SLC39A14: variants seen among roughly 807,000 people sequenced by gnomAD.
SLC39A14 encodes the protein metal cation symporter ZIP14.
In SLC39A14, 19 loss-of-function variants were observed where a neutral mutation model predicts 45.5. The observed-to-expected ratio is 0.42, with a 90% CI of 0.29 to 0.61. SLC39A14 has a LOEUF of 0.61. Ranked by LOEUF, SLC39A14 falls within the 20% of genes least tolerant of loss-of-function variation. SLC39A14 has a pLI of 0.22. For missense variants in SLC39A14, 447 were observed against 616.5 expected (o/e 0.73, Z 2.91); for synonymous variants, 264 against 251.3 (o/e 1.05, Z -0.48).
At position 22,410,040 on chromosome 8, in the gene SLC39A14, C is replaced by T. The variant is rs571243939; in HGVS notation, c.457+1544C>T. The T allele has an allele frequency of 5.0e-6, 8 of 1,613,980 alleles. No homozygotes were observed. In the African/African-American group the frequency reaches 9.3e-5, roughly 19 times the overall value. Reference sequence around the variant, plus strand: ...CCTGCACAGAGAAAGCGTTTTTCAGCCGTGTGCTCACTTACTTCATCGCCC... The same window carrying T: ...CCTGCACAGAGAAAGCGTTTTTCAGTCGTGTGCTCACTTACTTCATCGCCC... On this transcript the variant is annotated intron_variant, in intron 3 of 8. Transcript: ENST00000381237.
At chr8:22,422,971 C>A (rs1836307463), downstream of SLC39A14, among the ~76,000 whole-genome samples, 1 of 150,996 alleles carries the variant, frequency 6.6e-6, no homozygotes, top group Non-Finnish European at 1.5e-5. Context: ...TTACAGGTGC[C>A]CGCCACCACG....
At chr8:22,377,582 A>C (rs1833284386) in intron 1 of SLC39A14, among the ~76,000 whole-genome samples, 1 of 152,184 alleles carries the variant, frequency 6.6e-6, no homozygotes, top group African/African-American at 2.4e-5. Context: ...ATCTAACCTC[A>C]AAAAGTTCGT....
At chr8:22,410,004 C>G in intron 3 of SLC39A14, 1 of 1,614,154 alleles carries the variant, frequency 6.2e-7, no homozygotes, top group Non-Finnish European at 8.5e-7. Flanking sequence ...TCCTGGGAGT[C>G]CTCGTCCTGC....
rs1209838693 is a variant in SLC39A14, at chr8:22,415,941, G to T, written c.923G>T (p.Gly308Val). Residue 308 changes from glycine to valine, a missense_variant, in exon 6 of 9, where the codon GGC (glycine) becomes GTC (valine). Gly to Val is a moderately radical substitution (Grantham distance 109). This residue lies in a region of SLC39A14 where 342 missense variants were observed against 428.1 expected (regional missense o/e 0.80). Transcript: ENST00000381237. ...ATGGTGGACGAGAAGGTCATTGTGG[G>T]CTCGCTCTCTGTGCAGGTCAGTGGG... ...APMVDEKVIV[G>V]SLSVQDLQAS... 6.2e-7 allele frequency: 1 copy of T among 1,606,024 alleles called. No homozygotes were observed. Among genetic ancestry groups the T allele is most frequent in the East Asian group, 2.2e-5 (1 of 44,714 alleles).
chr8:22,391,587 T>A (rs986855853), intron 1 of SLC39A14, among the ~76,000 whole-genome samples: 1 of 151,876 alleles, frequency 6.6e-6, no homozygotes, highest in African/African-American at 2.4e-5. Flanking sequence ...TTTTTTCTTT[T>A]GAGATGGAGT....
chr8:22,424,575 A>C (rs1047715525), downstream of SLC39A14, among the ~76,000 whole-genome samples: 1 of 152,098 alleles, frequency 6.6e-6, no homozygotes. Context: ...TTCTGCCTAC[A>C]GTCCCTCCTG....
chr8:22,415,202 G>A (rs1437459887), intron 5 of SLC39A14: 6 of 328,420 alleles, frequency 1.8e-5, no homozygotes, highest in Non-Finnish European at 5.5e-6. Flanking sequence ...GGGGAGAAGA[G>A]CTTGATACCA....
chr8:22,431,301 C>T lies in SLC39A14; in HGVS notation c.1333-2590C>T, dbSNP rs534598216. 1.1e-4 allele frequency among the ~76,000 whole-genome samples: 16 copies of T among 152,186 alleles called. No individual in the cohort carries two copies. In the East Asian group the frequency reaches 2.9e-3, roughly 28 times the overall value. On this transcript the variant is annotated intron_variant, in intron 8 of 8. Transcript: ENST00000240095. ...CGTGCCTGGCCTATATAGTGCTTTT[C>T]ATATAAAATTGCAGATTATACATTA...
At chr8:22,432,678 G>A (rs1312236392) in intron 8 of SLC39A14, among the ~76,000 whole-genome samples, 3 of 138,760 alleles carry the variant, frequency 2.2e-5, no homozygotes, top group African/African-American at 5.4e-5. Context: ...ATGGAGTCCC[G>A]CTCTTGTTGC....
At chr8:22,403,915 A>AAAAC (rs144988599) in intron 1 of SLC39A14, among the ~76,000 whole-genome samples, 42,735 of 150,236 alleles carry the variant, frequency 0.28, 7,831 homozygotes, top group African/African-American at 0.54. Flanking sequence ...GACTGTCTCA[A>AAAAC]AAACAAACAA....
chr8:22,405,054 G>C, intron 2 of SLC39A14, 74 bp downstream of exon 2: 1 of 1,440,148 alleles, frequency 6.9e-7, no homozygotes. Flanking sequence ...GTCTAGTTGG[G>C]CCCAGGGCAG....
Position 22,408,461 on chromosome 8 carries a change from A to G in SLC39A14, c.422A>G (p.Glu141Gly). The change falls in exon 3 of 9, where the codon GAG (glutamate) becomes GGG (glycine). Residue 141 changes from glutamate (E) to glycine (G), a missense_variant. By Grantham distance (98) the Glu-to-Gly change is moderately conservative. Coordinates refer to ENST00000381237, the MANE Select transcript of SLC39A14 (RefSeq NM_001128431.4). ...TSENQENEENEQTEEGRPSAV... is the reference protein window; with the variant it reads ...TSENQENEENGQTEEGRPSAV... The stretch of plus-strand genomic sequence containing the variant: ...GAGAACCAGGAAAACGAGGAGAATG[A>G]GCAGACGGAGGAGGGGCGGCCAAGC... 6.2e-7 allele frequency: 1 copy of G among 1,614,126 alleles called. No individual in the cohort carries two copies. The highest frequency in any genetic ancestry group is 1.1e-5 in the South Asian group (1 of 91,078).
At chr8:22,418,981 T>A (rs939846128) in intron 8 of SLC39A14, among the ~76,000 whole-genome samples, 1 of 151,996 alleles carries the variant, frequency 6.6e-6, no homozygotes, top group Non-Finnish European at 1.5e-5. Flanking sequence ...GTGAGCTATG[T>A]TCGCACCACT....
intron 1 of SLC39A14, among the ~76,000 whole-genome samples, chr8:22,396,219 T>C (rs1023899384): frequency 4.0e-5 from 6 of 150,890 alleles, no homozygotes; most frequent in Non-Finnish European, 8.9e-5. Context: ...ATACAAAAAT[T>C]AGCTGAGTGT....
intron 1 of SLC39A14, among the ~76,000 whole-genome samples, chr8:22,395,050 G>A (rs527465118): frequency 3.3e-5 from 5 of 149,582 alleles, no homozygotes; most frequent in African/African-American, 7.4e-5. Flanking sequence ...TCACTCTGTC[G>A]CCAGCCTGGA....
chr8:22,404,490 G>A (rs1835085515), intron 1 of SLC39A14: 1 of 331,090 alleles, frequency 3.0e-6, no homozygotes, highest in Non-Finnish European at 5.2e-6. Flanking sequence ...TTTCAATCTA[G>A]TCAAAACTGT....
intron 8 of SLC39A14, chr8:22,433,749 A>G (rs943239250): frequency 5.6e-6 from 1 of 179,222 alleles, no homozygotes; most frequent in Non-Finnish European, 1.2e-5. Flanking sequence ...TTTTATAGAG[A>G]CGCGGTTTCA....
intron 1 of SLC39A14, among the ~76,000 whole-genome samples, chr8:22,387,160 G>A (rs1352519643): frequency 1.4e-5 from 2 of 145,748 alleles, no homozygotes; most frequent in African/African-American, 5.1e-5. Flanking sequence ...GTAACAGAGT[G>A]AGACCCTGTC....
chr8:22,386,172 T>A (rs942747643), intron 1 of SLC39A14, among the ~76,000 whole-genome samples: 2 of 152,062 alleles, frequency 1.3e-5, no homozygotes, highest in Non-Finnish European at 2.9e-5. Flanking sequence ...CCCGAACTCC[T>A]GACCTCAGGT....
Sources: allele counts gnomAD v4.1 joint callset (sites outside exome capture counted in the v4.1 genomes callset), GRCh38; gene constraint gnomAD v4.1.1; regional missense constraint gnomAD v4.1.1; transcripts MANE v1.5; gene names NCBI Gene and HGNC (gene_info 2026-07-23, HGNC 2026-07-21).